FBXO7: variants seen among roughly 807,000 people sequenced by gnomAD.
FBXO7 encodes the protein F-box only protein 7.
FBXO7 carries 31 observed loss-of-function variants against 50.2 expected under a neutral mutation model. The observed-to-expected ratio is 0.62, with a 90% CI of 0.46 to 0.83. FBXO7 has a LOEUF of 0.83. FBXO7 is among the 40% of genes least tolerant of loss of function. The pLI is 0.00. For missense variants in FBXO7, 667 were observed against 646.6 expected (o/e 1.03, Z -0.34); for synonymous variants, 256 against 253.1 (o/e 1.01, Z -0.11).
At position 32,498,347 on chromosome 22, in the gene FBXO7, T is replaced by G. The variant is rs1837515279; in HGVS notation, c.1386T>G (p.Ser462Arg). 3.1e-6 allele frequency: 5 copies of G among 1,614,180 alleles called. No homozygotes were observed. The highest frequency in any genetic ancestry group is 1.7e-5 in the Admixed American group (1 of 60,028). The change falls in exon 9 of 9, where the codon AGT (serine) becomes AGG (arginine). Residue 462 changes from serine to arginine, a missense_variant. Coordinates refer to ENST00000266087, the MANE Select transcript of FBXO7 (RefSeq NM_012179.4). ...TTCCCTATGTTGGAGACCCAATCAG[T>G]TCACTCATTCCTGGTCCTGGGGAGA... ...PTLPYVGDPI[S>R]SLIPGPGETP...
At chr22:32,480,850 GA>G (rs2057460216) in intron 2 of FBXO7, among the ~76,000 whole-genome samples, 2 of 152,044 alleles carry the variant, frequency 1.3e-5, no homozygotes, top group African/African-American at 4.8e-5. Context: ...ATTTTTGGTA[GA>G]GATGGGGTTT....
At chr22:32,490,454 C>T (rs2145999423) in intron 5 of FBXO7, 1 of 152,446 alleles carries the variant, frequency 6.6e-6, no homozygotes. Context: ...TAAACAGTTC[C>T]AGGTATTGTC....
intron 5 of FBXO7, chr22:32,489,861 GTTATTTATCCTT>G (rs1377540943): frequency 2.0e-5 from 3 of 152,288 alleles, no homozygotes; most frequent in Admixed American, 6.5e-5. Context: ...ACTAGGCACT[GTTATTTATCCTT>G]TTATTTATAA....
chr22:32,475,637 C>G (rs2057423159), intron 1 of FBXO7: 1 of 529,376 alleles, frequency 1.9e-6, no homozygotes, highest in Non-Finnish European at 3.2e-6. Flanking sequence ...TAGCTTGTAT[C>G]GCTGCTGTGA....
chr22:32,487,810 A>T lies in FBXO7; in HGVS notation c.853A>T (p.Ile285Phe), dbSNP rs1376673671. ...KRLQLLPESF[I>F]CKEKLGENVA... ...ATTGCAGCTGCTACCAGAATCTTTT[A>T]TTTGCAAAGAGAAACTAGGTAATAC... The change falls in exon 5 of 9, where the codon ATT becomes TTT. Residue 285 changes from isoleucine to phenylalanine, a missense_variant. Transcript: ENST00000266087. 6.2e-7 allele frequency: 1 copy of T among 1,605,720 alleles called. No homozygotes were observed. The highest frequency in any genetic ancestry group is 8.5e-7 in the Non-Finnish European group (1 of 1,172,982).
At chr22:32,493,459 TTG>T (rs2146003392) in intron 7 of FBXO7, among the ~76,000 whole-genome samples, 178 bp downstream of exon 7, 1 of 152,352 alleles carries the variant, frequency 6.6e-6, no homozygotes, top group African/African-American at 2.4e-5. Flanking sequence ...TCTCTCATTT[TTG>T]TGTTTTGCAC....
chr22:32,491,804 A>G (rs1043740443), intron 6 of FBXO7: 1 of 151,222 alleles, frequency 6.6e-6, no homozygotes, highest in African/African-American at 2.4e-5. Context: ...AATAAGGTTT[A>G]TAATTCACTC....
At chr22:32,487,963 TTAAGAATGCA>T (rs1203171789) in intron 5 of FBXO7, 135 bp downstream of exon 5, 1 of 662,370 alleles carries the variant, frequency 1.5e-6, no homozygotes, top group East Asian at 2.8e-5. Flanking sequence ...TGTGGTTTGT[TTAAGAATGCA>T]AAGGTTTAAA....
intron 7 of FBXO7, 129 bp downstream of exon 7, chr22:32,493,410 A>C: frequency 2.6e-6 from 2 of 778,514 alleles, no homozygotes; most frequent in Non-Finnish European, 4.5e-6. Flanking sequence ...AAAGAGACTG[A>C]CTCTAAGCTT....
intron 1 of FBXO7, among the ~76,000 whole-genome samples, chr22:32,476,950 T>C (rs2057432991): frequency 6.6e-6 from 1 of 152,254 alleles, no homozygotes. Flanking sequence ...CATGACCTTT[T>C]CTGCAAACAG....
intron 6 of FBXO7, 67 bp from the exon 7 acceptor site, chr22:32,493,038 A>G (rs780041444): frequency 6.7e-7 from 1 of 1,486,482 alleles, no homozygotes; most frequent in Non-Finnish European, 9.4e-7. Context: ...AACTTTGTTG[A>G]CTATGTGGAG....
intron 7 of FBXO7, 65 bp from the exon 8 acceptor site, chr22:32,495,428 C>T: frequency 9.5e-7 from 1 of 1,057,668 alleles, no homozygotes; most frequent in Non-Finnish European, 1.4e-6. Flanking sequence ...AAAAACAAAA[C>T]CCACTGTTTA....
At chr22:32,494,463 C>T (rs894206815) in intron 7 of FBXO7, among the ~76,000 whole-genome samples, 1 of 152,124 alleles carries the variant, frequency 6.6e-6, no homozygotes, top group African/African-American at 2.4e-5. Flanking sequence ...TCCTCAGCCT[C>T]ATAAGTAGCT....
chr22:32,484,960 C>A, intron 3 of FBXO7, 108 bp from the exon 4 acceptor site: 2 of 1,253,872 alleles, frequency 1.6e-6, no homozygotes, highest in Non-Finnish European at 2.3e-6. Flanking sequence ...ATTAAGAGGA[C>A]TGTGTGGAGT....
rs774053978 is a variant in FBXO7, at chr22:32,498,510, G to A, written c.1549G>A (p.Gly517Ser). The stretch of plus-strand genomic sequence containing the variant: ...ACCCAGCAGGGGTCGGCCAACTGAT[G>A]GCCGGCTGTCATTCATGTGATTGAT... Reference protein sequence around the residue: ...FRPSRGRPTDGRLSFM With the variant: ...FRPSRGRPTDSRLSFM The change falls in exon 9 of 9, where the codon GGC (glycine) becomes AGC (serine). Residue 517 changes from glycine to serine, a missense_variant. By Grantham distance (56) the Gly-to-Ser change is moderately conservative. Coordinates refer to ENST00000266087, the MANE Select transcript of FBXO7 (RefSeq NM_012179.4). 1.9e-6 allele frequency: 3 copies of A among 1,613,616 alleles called. No individual in the cohort carries two copies. The highest frequency in any genetic ancestry group is 3.3e-5 in the Admixed American group (2 of 59,998).
At chr22:32,497,130 C>A (rs976135571) in intron 8 of FBXO7, among the ~76,000 whole-genome samples, 1 of 152,132 alleles carries the variant, frequency 6.6e-6, no homozygotes, top group Non-Finnish European at 1.5e-5. Context: ...TTGCTTCTTA[C>A]GGATAAAGAG....
chr22:32,498,536 T>G lies in FBXO7; in HGVS notation c.*6T>G, dbSNP rs764041917. On this transcript the variant is annotated 3_prime_UTR_variant, in exon 9 of 9. Transcript: ENST00000266087. ...GCCGGCTGTCATTCATGTGATTGAT[T>G]TGTAATTTCATTTCTGGAGCTCCAT... The G allele has an allele frequency of 1.2e-6, 2 of 1,611,278 alleles. No individual in the cohort carries two copies. Among genetic ancestry groups the G allele is most frequent in the Admixed American group, 1.7e-5 (1 of 59,984 alleles).
In FBXO7 at chr22:32,478,909, A is replaced by G. The variant is rs914973465; in HGVS notation, c.123-72A>G. The G allele has an allele frequency of 3.8e-6, 5 of 1,333,328 alleles. No homozygotes were observed. The African/African-American group carries it at 4.3e-5, about 12-fold the overall frequency. 82.6% of individuals were successfully genotyped at this position (1,333,328 alleles called of 1,614,324 possible). ...CTAGGGTCATACTGTGTACTTATGT[A>G]TGCTTCAGATGTGCTATTGAAGGTA... On this transcript the variant is annotated intron_variant, in intron 1 of 8. Transcript: ENST00000266087.
In FBXO7 at chr22:32,491,108, C is replaced by T. The variant is rs929847581; in HGVS notation, c.894C>T (p.Tyr298=). 1.9e-6 allele frequency: 3 copies of T among 1,613,054 alleles called. No homozygotes were observed. The highest frequency in any genetic ancestry group is 2.7e-5 in the African/African-American group (2 of 74,902). ...EKLGENVANI[Y]KDLQKLSRLF... ...TAGGGGAAAATGTAGCCAACATATA[C>T]AAAGATCTTCAGAAACTCTCTCGCC... Residue 298 remains tyrosine, a synonymous_variant, in exon 6 of 9, where the codon TAC becomes TAT. Coordinates refer to ENST00000266087, the MANE Select transcript of FBXO7 (RefSeq NM_012179.4).
Sources: allele counts gnomAD v4.1 joint callset (sites outside exome capture counted in the v4.1 genomes callset), GRCh38; gene constraint gnomAD v4.1.1; transcripts MANE v1.5; gene names NCBI Gene and HGNC (gene_info 2026-07-23, HGNC 2026-07-21).